ZNF518A: variants seen among roughly 807,000 people sequenced by gnomAD.
ZNF518A encodes the protein zinc finger protein 518A.
Under a neutral mutation model 102.7 loss-of-function variants are expected in ZNF518A, and 47 were observed. The observed-to-expected ratio is 0.46, with a 90% CI of 0.36 to 0.58. ZNF518A has a LOEUF of 0.58. ZNF518A is among the 20% of genes least tolerant of loss of function. ZNF518A has a pLI of 0.00. For missense variants in ZNF518A, 1,793 were observed against 1,699.8 expected, an observed-to-expected ratio of 1.05 and a Z score of -0.96; for synonymous variants, 652 against 594.6, an observed-to-expected ratio of 1.10 and a Z score of -1.40.
chr10:96,133,681 G>A (rs1213360325), intron 3 of ZNF518A, 33 bp downstream of exon 3: 1 of 152,082 alleles, frequency 6.6e-6, no homozygotes, highest in Non-Finnish European at 1.5e-5. Context: ...CCGTAAATTA[G>A]GAATAAGATT....
chr10:96,150,691 A>G (rs1478141292), intron 3 of ZNF518A, among the ~76,000 whole-genome samples: 2 of 76,130 alleles, frequency 2.6e-5, no homozygotes, highest in African/African-American at 1.0e-4. Context: ...TTATTACTTG[A>G]TTTTTTTTTA....
chr10:96,153,296 CCACT>C (rs2082539878), intron 3 of ZNF518A, among the ~76,000 whole-genome samples: 1 of 152,204 alleles, frequency 6.6e-6, no homozygotes, highest in Non-Finnish European at 1.5e-5. Flanking sequence ...CAAATCTGCC[CCACT>C]CAGTCTACTG....
At chr10:96,188,346 G>C (rs2083284925) in intron 1 of ZNF518A, among the ~76,000 whole-genome samples, 1 of 152,182 alleles carries the variant, frequency 6.6e-6, no homozygotes. Context: ...AATTCTCCCA[G>C]CCTCTGCTCC....
At chr10:96,188,287 G>A (rs1554892825) in intron 1 of ZNF518A, among the ~76,000 whole-genome samples, 1 of 152,228 alleles carries the variant, frequency 6.6e-6, no homozygotes, top group East Asian at 1.9e-4. Context: ...AGTTCTCCCA[G>A]CTTTGGGGAG....
At chr10:96,149,794 C>A (rs947066652) in intron 3 of ZNF518A, among the ~76,000 whole-genome samples, 10 of 152,130 alleles carry the variant, frequency 6.6e-5, no homozygotes, top group Non-Finnish European at 1.0e-4. Context: ...TCCATCCAGT[C>A]TTTTCTGCTT....
downstream of ZNF518A, among the ~76,000 whole-genome samples, chr10:96,163,948 ATGTATT>A (rs1415212404): frequency 2.0e-5 from 3 of 152,206 alleles, no homozygotes; most frequent in Admixed American, 6.5e-5. Flanking sequence ...TCTAGTATAG[ATGTATT>A]TGTATAACAG....
intron 3 of ZNF518A, among the ~76,000 whole-genome samples, chr10:96,134,162 AT>A (rs1554873474): frequency 6.6e-6 from 1 of 152,234 alleles, no homozygotes; most frequent in Non-Finnish European, 1.5e-5. Context: ...CCAGTAAGTA[AT>A]GCAAATATTC....
Position 96,158,477 on chromosome 10 carries a change from C to G in ZNF518A, c.2155C>G (p.Gln719Glu), listed in dbSNP as rs1381412632. ...AAAAGCAAAATCTGAAATTGAAGAA[C>G]AGTATGTTTTAGAAAAAGGACAAAA... is the stretch of plus-strand genomic sequence containing the variant. Reference protein sequence around the residue: ...TLKAKSEIEEQYVLEKGQNID... With the variant: ...TLKAKSEIEEEYVLEKGQNID... The change falls in exon 6 of 6, where the codon CAG (glutamine) becomes GAG (glutamate). Residue 719 changes from glutamine (Q) to glutamate (E), a missense_variant. Transcript: ENST00000316045. The G allele has an allele frequency of 3.5e-5, 56 of 1,612,418 alleles. No homozygotes were observed. Among genetic ancestry groups the G allele is most frequent in the Non-Finnish European group, 4.4e-5 (52 of 1,179,534 alleles).
intron 3 of ZNF518A, among the ~76,000 whole-genome samples, chr10:96,135,874 A>G (rs1302147831): frequency 6.6e-5 from 10 of 152,232 alleles, no homozygotes; most frequent in African/African-American, 2.2e-4. Context: ...ATGGGAAGGA[A>G]GTGAGCAGGT....
At chr10:96,130,970 CAG>C (rs1187727924) in intron 1 of ZNF518A, 4 of 152,210 alleles carry the variant, frequency 2.6e-5, no homozygotes, top group Non-Finnish European at 4.4e-5. Flanking sequence ...ACCGATCAAA[CAG>C]ATGTAGCTTT....
rs1326638813 is a variant in ZNF518A at position 96,163,231 on chromosome 10, CTT to C, written c.*2458_*2459del. 6.0e-6 allele frequency: 1 copy of C among 166,732 alleles called. No homozygotes were observed. The highest frequency in any genetic ancestry group is 1.5e-5 in the Non-Finnish European group (1 of 68,028). The allele number at this position is 166,732 out of a possible 1,614,324, so 10.3% of individuals were successfully genotyped here. The stretch of plus-strand genomic sequence containing the variant: ...TTGGAACTTTTTCTGATTTTGTTAA[CTT>C]AAGTTATTCTGAGGGAGGCAGACCT... On this transcript the variant is annotated 3_prime_UTR_variant, in exon 6 of 6. Coordinates refer to ENST00000316045, the MANE Select transcript of ZNF518A (RefSeq NM_001330736.2).
intron 1 of ZNF518A, among the ~76,000 whole-genome samples, chr10:96,178,073 A>C (rs1591276563): frequency 6.6e-6 from 1 of 152,132 alleles, no homozygotes; most frequent in Non-Finnish European, 1.5e-5. Flanking sequence ...ACAACTAGGC[A>C]AAAAGAAATC....
At position 96,171,304 on chromosome 10, in the gene ZNF518A, G is replaced by C. The variant is rs587758229; in HGVS notation, n.35+15257G>C. ...AACAACCCAAAGTCCATCAACTGATGAATGCATAAATAAATGTGTATATCT... is the reference window on the plus strand; with the variant it reads ...AACAACCCAAAGTCCATCAACTGATCAATGCATAAATAAATGTGTATATCT... On this transcript the variant is annotated intron_variant and non_coding_transcript_variant, in intron 1 of 2. Coordinates refer to the ZNF518A transcript ENST00000442635. 4.6e-5 allele frequency among the ~76,000 whole-genome samples: 7 copies of C among 152,274 alleles called. No homozygotes were observed. The East Asian group carries it at 1.4e-3, about 29-fold the overall frequency.
At chr10:96,167,811 A>G (rs1416429724), downstream of ZNF518A, among the ~76,000 whole-genome samples, 2 of 152,224 alleles carry the variant, frequency 1.3e-5, no homozygotes, top group South Asian at 4.1e-4. Flanking sequence ...CAAAAAATGT[A>G]AGTATTTGTG....
chr10:96,179,115 C>A (rs1447392135), intron 1 of ZNF518A, among the ~76,000 whole-genome samples: 1 of 151,990 alleles, frequency 6.6e-6, no homozygotes, highest in Non-Finnish European at 1.5e-5. Context: ...AAACTACAGA[C>A]CAGTGTTCCC....
chr10:96,181,443 T>A (rs1376637452), intron 1 of ZNF518A, among the ~76,000 whole-genome samples: 1 of 152,228 alleles, frequency 6.6e-6, no homozygotes, highest in East Asian at 1.9e-4. Context: ...TGAATGGTAT[T>A]GCCTAGGTTT....
intron 1 of ZNF518A, chr10:96,199,619 G>A: frequency 9.3e-6 from 4 of 430,238 alleles, no homozygotes; most frequent in Admixed American, 5.2e-5. Context: ...AGTAAGTAAA[G>A]GAAAAAGATC....
chr10:96,192,719 G>T (rs1269441873), intron 1 of ZNF518A, among the ~76,000 whole-genome samples: 2 of 151,782 alleles, frequency 1.3e-5, no homozygotes, highest in Non-Finnish European at 2.9e-5. Flanking sequence ...GTTGTCTATG[G>T]GTTTTAATTT....
rs1554895851 is a variant in ZNF518A at position 96,200,448 on chromosome 10, G to T, written n.36-3126G>T. 6.6e-6 allele frequency among the ~76,000 whole-genome samples: 1 copy of T among 151,302 alleles called. No individual in the cohort carries two copies. The highest frequency in any genetic ancestry group is 1.5e-5 in the Non-Finnish European group (1 of 67,910). ...ATTGTGCTCTTATTGCTCTTACTTT[G>T]TGGAGTGCTTTACAATTTCCAAAGC... On this transcript the variant is annotated intron_variant and non_coding_transcript_variant, in intron 1 of 2. Coordinates refer to the ZNF518A transcript ENST00000442635. The surrounding 1 kb of genome is among the most constrained non-coding windows in gnomAD (Gnocchi z 4.3).
Sources: allele counts gnomAD v4.1 joint callset (sites outside exome capture counted in the v4.1 genomes callset), GRCh38; gene constraint gnomAD v4.1.1; non-coding constraint Gnocchi (gnomAD v3.1); transcripts MANE v1.5; gene names NCBI Gene and HGNC (gene_info 2026-07-23, HGNC 2026-07-21).